The following TBC1D19 variants were observed in gnomAD, a reference collection of about 807,000 sequenced individuals.
TBC1D19 encodes TBC1 domain family, member 19.
Under a neutral mutation model 89.0 loss-of-function variants are expected in TBC1D19, and 60 were observed. That is an observed-to-expected ratio of 0.67 (90% CI 0.55 to 0.84). The LOEUF is 0.84. TBC1D19 is among the 40% of genes least tolerant of loss of function. TBC1D19 has a pLI of 0.00. For missense variants in TBC1D19, 500 were observed against 610.8 expected (o/e 0.82, Z 1.91); for synonymous variants, 189 against 199.7 (o/e 0.95, Z 0.45).
intron 14 of TBC1D19, 21 bp downstream of exon 14, chr4:26,718,038 A>G: frequency 1.3e-6 from 2 of 1,568,504 alleles, no homozygotes; most frequent in Non-Finnish European, 1.8e-6. Flanking sequence ...AATAATTTTA[A>G]GGAAGTATTA....
At chr4:26,785,536 C>A in the TBC1D19 span, among the ~76,000 whole-genome samples, 2 of 152,196 alleles carry the variant, frequency 1.3e-5, no homozygotes, top group Non-Finnish European at 2.9e-5. Context: ...TCAAGAAGTT[C>A]TCTGTCTAGT....
At chr4:26,742,698 C>CA (rs1718439938) in intron 18 of TBC1D19, 99 bp downstream of exon 18, 1 of 776,820 alleles carries the variant, frequency 1.3e-6, no homozygotes, top group Admixed American at 2.7e-5. Context: ...TTTTCAGAGA[C>CA]ATTAAGCTAA....
At chr4:26,823,428 A>G in the TBC1D19 span, among the ~76,000 whole-genome samples, 1 of 152,174 alleles carries the variant, frequency 6.6e-6, no homozygotes, top group African/African-American at 2.4e-5. Flanking sequence ...AATTTGGGTT[A>G]ATGAGAGAGG....
At chr4:26,598,061 A>G (rs1316791967) in intron 1 of TBC1D19, among the ~76,000 whole-genome samples, 1 of 152,140 alleles carries the variant, frequency 6.6e-6, no homozygotes, top group South Asian at 2.1e-4. Flanking sequence ...TATATTTTAC[A>G]TTTCATAAGA....
chr4:26,802,832 GAT>G, the TBC1D19 span, among the ~76,000 whole-genome samples: 1 of 152,188 alleles, frequency 6.6e-6, no homozygotes, highest in Non-Finnish European at 1.5e-5. Context: ...TTAAATAACA[GAT>G]ACTTATTCCC....
intron 1 of TBC1D19, among the ~76,000 whole-genome samples, chr4:26,584,496 A>G (rs1739295431): frequency 6.6e-6 from 1 of 152,238 alleles, no homozygotes. Flanking sequence ...GTCCGGTGCA[A>G]GCTGTGCTGC....
chr4:26,635,462 A>G (rs1024117051), intron 4 of TBC1D19, among the ~76,000 whole-genome samples: 1 of 152,082 alleles, frequency 6.6e-6, no homozygotes, highest in Non-Finnish European at 1.5e-5. Flanking sequence ...ATAAGCCAAT[A>G]AATAGAGTTA....
intron 1 of TBC1D19, among the ~76,000 whole-genome samples, chr4:26,611,796 C>T (rs1017781056): frequency 2.0e-5 from 3 of 151,956 alleles, no homozygotes; most frequent in African/African-American, 7.2e-5. Context: ...CATTATTTAC[C>T]AGTGTTTAAG....
At chr4:26,769,831 A>G in the TBC1D19 span, among the ~76,000 whole-genome samples, 14 of 152,186 alleles carry the variant, frequency 9.2e-5, no homozygotes, top group Admixed American at 9.2e-4. Context: ...TACAGGCATG[A>G]GACACCAAGT....
At chr4:26,651,478 A>G (rs1021913509) in intron 7 of TBC1D19, among the ~76,000 whole-genome samples, 1 of 152,050 alleles carries the variant, frequency 6.6e-6, no homozygotes, top group South Asian at 2.1e-4. Context: ...CTTTGTAGCA[A>G]TTGTAAATGG....
the TBC1D19 span, among the ~76,000 whole-genome samples, chr4:26,839,108 T>C: frequency 1.4e-4 from 22 of 152,214 alleles, no homozygotes; most frequent in South Asian, 1.0e-3. Context: ...TTTTGAAACA[T>C]GCATAGGGCT....
chr4:26,842,582 CCCTTTCTT>C, the TBC1D19 span, among the ~76,000 whole-genome samples: 7 of 95,394 alleles, frequency 7.3e-5, no homozygotes, highest in African/African-American at 2.8e-4. Context: ...CTTCCTCCCT[CCCTTTCTT>C]TCTTTCTTTC....
At chr4:26,656,801 T>C (rs1470914374) in intron 7 of TBC1D19, among the ~76,000 whole-genome samples, 1 of 152,118 alleles carries the variant, frequency 6.6e-6, no homozygotes, top group Non-Finnish European at 1.5e-5. Flanking sequence ...TCAGGCACTC[T>C]GCCTGCCTCG....
the TBC1D19 span, among the ~76,000 whole-genome samples, chr4:26,853,057 A>C: frequency 2.0e-5 from 3 of 152,248 alleles, no homozygotes; most frequent in African/African-American, 7.2e-5. Context: ...CTGTAAACAC[A>C]TATGTCAGAT....
chr4:26,851,614 A>G, the TBC1D19 span, among the ~76,000 whole-genome samples: 5 of 152,336 alleles, frequency 3.3e-5, no homozygotes, highest in East Asian at 9.6e-4. Flanking sequence ...TTTGGCTATT[A>G]AACTAAACCT....
chr4:26,702,065 T>C (rs1251192108), intron 13 of TBC1D19, among the ~76,000 whole-genome samples: 1 of 152,152 alleles, frequency 6.6e-6, no homozygotes, highest in Non-Finnish European at 1.5e-5. Context: ...AAAAGGGGCT[T>C]GACAGGTAAT....
intron 13 of TBC1D19, 83 bp downstream of exon 13, chr4:26,688,490 A>G: frequency 2.3e-6 from 3 of 1,332,148 alleles, no homozygotes; most frequent in South Asian, 1.6e-5. Context: ...TCTGCTGTTG[A>G]CTAAATCTTT....
intron 13 of TBC1D19, among the ~76,000 whole-genome samples, chr4:26,714,315 G>A (rs908817756): frequency 1.3e-5 from 2 of 152,008 alleles, no homozygotes; most frequent in Admixed American, 1.3e-4. Context: ...CAACGTGCAG[G>A]TTAGTTACAT....
At chr4:26,606,697 A>G (rs1341864536) in intron 1 of TBC1D19, among the ~76,000 whole-genome samples, 9 of 152,222 alleles carry the variant, frequency 5.9e-5, no homozygotes, top group Non-Finnish European at 1.0e-4. Flanking sequence ...TAGTCAACAT[A>G]GAAGAATTCT....
Sources: allele counts gnomAD v4.1 joint callset (sites outside exome capture counted in the v4.1 genomes callset), GRCh38; gene constraint gnomAD v4.1.1; transcripts MANE v1.5; gene names NCBI Gene and HGNC (gene_info 2026-07-23, HGNC 2026-07-21).